The following LRRC69 variants were observed in gnomAD, a reference collection of about 807,000 sequenced individuals.
The protein encoded by LRRC69 is leucine-rich repeat-containing protein 69.
LRRC69 carries 42 observed loss-of-function variants against 37.8 expected under a neutral mutation model. That is an observed-to-expected ratio of 1.11 (90% CI 0.87 to 1.44). The LOEUF is 1.44. Among genes scored for constraint, LRRC69 ranks in the 40% most tolerant of loss-of-function variants. The pLI is 0.00. For synonymous variants in LRRC69, 141 were observed against 143.1 expected, an observed-to-expected ratio of 0.99 and a Z score of 0.11; for missense variants, 357 against 401.9, an observed-to-expected ratio of 0.89 and a Z score of 0.96.
chr8:91,158,453 G>A (rs755507071), intron 5 of LRRC69: 2 of 1,276,358 alleles, frequency 1.6e-6, no homozygotes, highest in Non-Finnish European at 2.3e-6. Flanking sequence ...AATGCATGCT[G>A]TTAATGGAAG....
intron 7 of LRRC69, among the ~76,000 whole-genome samples, chr8:91,214,201 T>C (rs986429000): frequency 5.3e-5 from 8 of 151,940 alleles, no homozygotes; most frequent in Non-Finnish European, 1.2e-4. Context: ...ATATAAATTG[T>C]TGATTGATTG....
intron 7 of LRRC69, among the ~76,000 whole-genome samples, chr8:91,206,274 C>T (rs990735631): frequency 9.2e-5 from 14 of 152,064 alleles, no homozygotes; most frequent in Non-Finnish European, 1.9e-4. Context: ...TTTTAAAAGC[C>T]CAGAATCTAG....
rs191896577 is a variant in LRRC69 at position 91,216,393 on chromosome 8, T to C, written c.934-2497T>C. Among the ~76,000 whole-genome samples the C allele has an allele frequency of 2.5e-4, 38 of 152,292 alleles. No homozygotes were observed. The East Asian group carries it at 6.9e-3, about 28-fold the overall frequency. ...TTTAATACTTTCTATTATAAACTTT[T>C]CACCTCATGAAGAAACTGGACAAAG... is the stretch of plus-strand genomic sequence containing the variant. On this transcript the variant is annotated intron_variant, in intron 7 of 7. Transcript: ENST00000448384.
intron 7 of LRRC69, chr8:91,209,542 G>C (rs901328829): frequency 6.6e-6 from 1 of 152,216 alleles, no homozygotes; most frequent in Admixed American, 6.5e-5. Flanking sequence ...AGCTGTAAAA[G>C]GTAGGAGTGC....
chr8:91,126,782 T>C (rs1813723693), intron 2 of LRRC69, among the ~76,000 whole-genome samples: 1 of 152,030 alleles, frequency 6.6e-6, no homozygotes, highest in African/African-American at 2.4e-5. Flanking sequence ...AAGAACTAAA[T>C]TATATTTTCT....
At chr8:91,183,950 C>T (rs1239943406) in intron 5 of LRRC69, among the ~76,000 whole-genome samples, 1 of 152,024 alleles carries the variant, frequency 6.6e-6, no homozygotes, top group Non-Finnish European at 1.5e-5. Flanking sequence ...GCATAATTTA[C>T]CATTCATTTT....
At chr8:91,164,626 T>C (rs1319433880) in intron 5 of LRRC69, among the ~76,000 whole-genome samples, 3 of 151,764 alleles carry the variant, frequency 2.0e-5, no homozygotes, top group African/African-American at 7.2e-5. Context: ...TTTTGAAAAC[T>C]ATGCTGGTTT....
At chr8:91,121,055 G>A (rs1328035821) in intron 1 of LRRC69, among the ~76,000 whole-genome samples, 2 of 151,866 alleles carry the variant, frequency 1.3e-5, no homozygotes, top group African/African-American at 4.8e-5. Flanking sequence ...CCAAAGTTAG[G>A]TGCTACTCAT....
chr8:91,162,215 T>G (rs947921740), intron 5 of LRRC69, among the ~76,000 whole-genome samples: 7 of 151,548 alleles, frequency 4.6e-5, no homozygotes, highest in African/African-American at 1.7e-4. Flanking sequence ...GAAAGAAGAA[T>G]GTGTATTCTG....
intron 5 of LRRC69, among the ~76,000 whole-genome samples, chr8:91,181,645 T>A (rs978767459): frequency 6.6e-6 from 1 of 152,080 alleles, no homozygotes; most frequent in African/African-American, 2.4e-5. Flanking sequence ...CCCATGCAAA[T>A]AAACTGGCAA....
chr8:91,141,434 A>T (rs903643711), intron 5 of LRRC69, among the ~76,000 whole-genome samples: 1 of 152,116 alleles, frequency 6.6e-6, no homozygotes, highest in African/African-American at 2.4e-5. Context: ...ATCTTGGAGG[A>T]CACTATTTAA....
chr8:91,111,661 T>C (rs1404293526), intron 1 of LRRC69, among the ~76,000 whole-genome samples: 4 of 152,134 alleles, frequency 2.6e-5, no homozygotes, highest in East Asian at 3.9e-4. Flanking sequence ...TTGTCACTTA[T>C]AAGTGGCAGC....
chr8:91,203,390 C>CT (rs879476241), intron 7 of LRRC69, among the ~76,000 whole-genome samples: 3,594 of 145,508 alleles, frequency 0.025, 142 homozygotes, highest in African/African-American at 0.08. Flanking sequence ...TTATACCTAT[C>CT]TTTTTTTTTT....
At chr8:91,169,508 A>G (rs1809087064) in intron 5 of LRRC69, among the ~76,000 whole-genome samples, 2 of 143,026 alleles carry the variant, frequency 1.4e-5, no homozygotes, top group Non-Finnish European at 3.1e-5. Flanking sequence ...GTACATGTAC[A>G]TATGTGTGTA....
At chr8:91,138,617 G>A (rs1333500936) in intron 5 of LRRC69, 1 of 147,290 alleles carries the variant, frequency 6.8e-6, no homozygotes, top group Non-Finnish European at 1.5e-5. Context: ...TAGGACTTTT[G>A]TATACGAATA....
chr8:91,218,829 T>C, intron 7 of LRRC69, 61 bp from the exon 8 acceptor site: 1 of 1,071,238 alleles, frequency 9.3e-7, no homozygotes, highest in South Asian at 1.6e-5. Flanking sequence ...CAAATATTTA[T>C]TTTAATGAAA....
intron 5 of LRRC69, among the ~76,000 whole-genome samples, chr8:91,136,808 T>C (rs1362021927): frequency 6.6e-6 from 1 of 152,102 alleles, no homozygotes; most frequent in Non-Finnish European, 1.5e-5. Flanking sequence ...TGGAACCAGA[T>C]ATTTGTCCTT....
intron 1 of LRRC69, among the ~76,000 whole-genome samples, chr8:91,117,789 G>A (rs1813537622): frequency 6.6e-6 from 1 of 151,682 alleles, no homozygotes. Flanking sequence ...ATCCGCCAGA[G>A]GGAGACCCGT....
intron 5 of LRRC69, among the ~76,000 whole-genome samples, chr8:91,175,045 C>T (rs1447445057): frequency 6.6e-6 from 1 of 152,132 alleles, no homozygotes; most frequent in Admixed American, 6.5e-5. Flanking sequence ...ATTGGAGGGA[C>T]TTATCTATCT....
Sources: gnomAD v4.1 joint callset for allele counts (sites outside exome capture counted in the v4.1 genomes callset) on GRCh38, gnomAD v4.1.1 for gene constraint, MANE v1.5 for transcripts, NCBI Gene and HGNC (gene_info 2026-07-23, HGNC 2026-07-21) for gene names.